TPD52: variants seen among roughly 807,000 people sequenced by gnomAD.
TPD52 encodes prostate and colon associated protein.
A neutral mutation model predicts 31.3 loss-of-function variants in TPD52; 17 were observed. The observed-to-expected ratio is 0.54, with a 90% confidence interval of 0.37 to 0.82. TPD52 has a LOEUF of 0.82. Among genes scored for constraint, TPD52 ranks in the 40% least tolerant of loss-of-function variants. The pLI, the probability that TPD52 is intolerant of heterozygous loss-of-function variation, is 0.00. For missense variants in TPD52, 212 were observed against 240.1 expected, an observed-to-expected ratio of 0.88 and a Z score of 0.77; for synonymous variants, 83 against 89.6, an observed-to-expected ratio of 0.93 and a Z score of 0.42.
intron 1 of TPD52, among the ~76,000 whole-genome samples, chr8:80,123,306 T>G (rs1292756827): frequency 6.6e-6 from 1 of 152,046 alleles, no homozygotes; most frequent in Non-Finnish European, 1.5e-5. Context: ...CTGAGAAATA[T>G]TCAAAATAAA....
chr8:80,123,350 G>A (rs1489693577), intron 1 of TPD52, among the ~76,000 whole-genome samples: 1 of 151,208 alleles, frequency 6.6e-6, no homozygotes, highest in African/African-American at 2.4e-5. Context: ...TGTATGTAGA[G>A]GCTGAAAAAA....
chr8:80,046,386 T>C (rs1341891216), intron 5 of TPD52, among the ~76,000 whole-genome samples: 1 of 152,220 alleles, frequency 6.6e-6, no homozygotes, highest in Admixed American at 6.5e-5. Flanking sequence ...ATCTGGTTGC[T>C]GGATCCTCCC....
At chr8:80,091,231 G>A (rs1038974814) in intron 1 of TPD52, among the ~76,000 whole-genome samples, 4 of 152,178 alleles carry the variant, frequency 2.6e-5, no homozygotes, top group African/African-American at 9.7e-5. Flanking sequence ...AGCACTTTGG[G>A]AGGCTGAGGC....
At chr8:80,094,453 T>C (rs1470802747) in intron 1 of TPD52, among the ~76,000 whole-genome samples, 1 of 70,242 alleles carries the variant, frequency 1.4e-5, no homozygotes, top group African/African-American at 7.3e-5. Flanking sequence ...TATATATATA[T>C]ATATATATAT....
intron 3 of TPD52, chr8:80,052,797 G>A (rs933656162): frequency 2.5e-6 from 1 of 402,986 alleles, no homozygotes; most frequent in Middle Eastern, 3.7e-4. Context: ...TACGACCTGA[G>A]AATCTTTTGA....
At chr8:80,093,315 GA>G (rs1471829581) in intron 1 of TPD52, among the ~76,000 whole-genome samples, 1 of 152,192 alleles carries the variant, frequency 6.6e-6, no homozygotes, top group African/African-American at 2.4e-5. Flanking sequence ...GAAGATTAAA[GA>G]GGTGTCATCC....
At chr8:80,045,783 A>C (rs1810787624) in intron 5 of TPD52, among the ~76,000 whole-genome samples, 1 of 152,208 alleles carries the variant, frequency 6.6e-6, no homozygotes. Flanking sequence ...CTTGAATTAC[A>C]AAAAAACTTT....
chr8:80,107,392 G>A (rs1273397293), intron 1 of TPD52, among the ~76,000 whole-genome samples: 12 of 152,196 alleles, frequency 7.9e-5, no homozygotes. Context: ...GGAAGCTACA[G>A]GGTTAAGTAA....
intron 1 of TPD52, among the ~76,000 whole-genome samples, chr8:80,068,369 T>C (rs1057045812): frequency 3.3e-5 from 5 of 152,178 alleles, no homozygotes; most frequent in Admixed American, 6.5e-5. Flanking sequence ...TCAATGATCA[T>C]GGCAGGACAA....
chr8:80,040,911 G>A lies in TPD52; in HGVS notation c.504+1709C>T, dbSNP rs117775560. Reference sequence around the variant, plus strand: ...AGCAATGTGCCAAGAACTGTTCTAAGCCTTTGAGAAGTATCAGTGACCAAA... The same window carrying A: ...AGCAATGTGCCAAGAACTGTTCTAAACCTTTGAGAAGTATCAGTGACCAAA... On this transcript the variant is annotated intron_variant, in intron 7 of 7. Coordinates refer to ENST00000518937, the MANE Select transcript of TPD52 (RefSeq NM_001025253.3). Among the ~76,000 whole-genome samples, 1,050 of 152,224 alleles carry A rather than the reference G, an allele frequency of 6.9e-3. 4 individuals carry two copies. Among genetic ancestry groups the A allele is most frequent in the Non-Finnish European group, 0.012 (834 of 68,004 alleles).
intron 1 of TPD52, among the ~76,000 whole-genome samples, chr8:80,132,644 G>C (rs1055268115): frequency 1.3e-5 from 2 of 152,138 alleles, no homozygotes; most frequent in Non-Finnish European, 1.5e-5. Context: ...GGATCCTATG[G>C]GCAGGTGGAC....
intron 2 of TPD52, among the ~76,000 whole-genome samples, chr8:80,058,956 C>T (rs1376541372): frequency 6.6e-6 from 1 of 152,128 alleles, no homozygotes; most frequent in Non-Finnish European, 1.5e-5. Flanking sequence ...CAATACCATA[C>T]ATCAACTGGA....
At chr8:80,134,181 GCTTA>G (rs1334768401) in intron 1 of TPD52, among the ~76,000 whole-genome samples, 1 of 152,148 alleles carries the variant, frequency 6.6e-6, no homozygotes, top group Non-Finnish European at 1.5e-5. Flanking sequence ...TTAACTGAAT[GCTTA>G]CTATGTGCCG....
intron 1 of TPD52, among the ~76,000 whole-genome samples, chr8:80,156,353 G>A (rs1810973480): frequency 6.6e-6 from 1 of 152,176 alleles, no homozygotes; most frequent in Non-Finnish European, 1.5e-5. Flanking sequence ...GCTTTTTATG[G>A]CCTAGCCTTA....
intron 1 of TPD52, among the ~76,000 whole-genome samples, chr8:80,086,873 T>TCAA (rs1815825491): frequency 7.4e-5 from 3 of 40,386 alleles, no homozygotes; most frequent in African/African-American, 3.2e-4. Flanking sequence ...AGACGCTGTC[T>TCAA]CAACAAAAAA....
intron 1 of TPD52, among the ~76,000 whole-genome samples, chr8:80,140,844 G>A (rs757648358): frequency 1.3e-5 from 2 of 151,988 alleles, no homozygotes; most frequent in Non-Finnish European, 2.9e-5. Context: ...CTAACGAGTG[G>A]GTCACCTCAG....
intron 1 of TPD52, among the ~76,000 whole-genome samples, chr8:80,123,678 C>T (rs757140411): frequency 5.9e-5 from 9 of 152,144 alleles, no homozygotes; most frequent in African/African-American, 1.4e-4. Context: ...ACCAAAGAAA[C>T]GGCTTATAAA....
At chr8:80,086,633 G>A (rs1177948775) in intron 1 of TPD52, among the ~76,000 whole-genome samples, 2 of 151,818 alleles carry the variant, frequency 1.3e-5, no homozygotes, top group Non-Finnish European at 2.9e-5. Context: ...TGGCACTTTG[G>A]GAGACCAAGG....
At chr8:80,058,788 G>A (rs559531477) in intron 2 of TPD52, among the ~76,000 whole-genome samples, 1 of 152,246 alleles carries the variant, frequency 6.6e-6, no homozygotes, top group Admixed American at 6.5e-5. Context: ...ACAACAGAGT[G>A]AAACTCTGTC....
Sources: allele counts gnomAD v4.1 joint callset (sites outside exome capture counted in the v4.1 genomes callset), GRCh38; gene constraint gnomAD v4.1.1; transcripts MANE v1.5; gene names NCBI Gene and HGNC (gene_info 2026-07-23, HGNC 2026-07-21).